FOXN3: variants seen among roughly 807,000 people sequenced by gnomAD.
FOXN3 encodes forkhead box protein N3.
FOXN3 carries 7 observed loss-of-function variants against 38.4 expected under a neutral mutation model. The observed-to-expected ratio is 0.18, with a 90% confidence interval of 0.10 to 0.34. FOXN3 has a LOEUF of 0.34. Among genes scored for constraint, FOXN3 ranks in the 10% least tolerant of loss-of-function variants. The pLI, the probability that FOXN3 is intolerant of heterozygous loss-of-function variation, is 1.00. For missense variants in FOXN3, 456 were observed against 613.4 expected (o/e 0.74, Z 2.71); for synonymous variants, 230 against 242.2 (o/e 0.95, Z 0.47).
chr14:89,477,644 C>T (rs1214303435), intron 1 of FOXN3, among the ~76,000 whole-genome samples: 3 of 152,190 alleles, frequency 2.0e-5, no homozygotes, highest in Admixed American at 6.5e-5. Flanking sequence ...GAATACACCA[C>T]GGCCAGCCAG....
intron 4 of FOXN3, among the ~76,000 whole-genome samples, chr14:89,257,277 G>A (rs1050226140): frequency 1.3e-5 from 2 of 152,222 alleles, no homozygotes; most frequent in Non-Finnish European, 2.9e-5. Context: ...ACAATAAGAT[G>A]CAGGGAATGG....
At chr14:89,242,058 A>G (rs1363557887) in intron 4 of FOXN3, among the ~76,000 whole-genome samples, 1 of 152,222 alleles carries the variant, frequency 6.6e-6, no homozygotes, top group Non-Finnish European at 1.5e-5. Context: ...ACTGAAAGAC[A>G]GCCAGGCCAC....
intron 3 of FOXN3, among the ~76,000 whole-genome samples, chr14:89,304,088 G>A (rs896628953): frequency 6.6e-6 from 1 of 152,176 alleles, no homozygotes; most frequent in Admixed American, 6.5e-5. Flanking sequence ...TAGCTTTGAT[G>A]CTGTCACATG....
chr14:89,575,224 C>T (rs1254511253), intron 1 of FOXN3, among the ~76,000 whole-genome samples: 2 of 152,214 alleles, frequency 1.3e-5, no homozygotes, highest in Non-Finnish European at 2.9e-5. Context: ...GCGACACTGA[C>T]TCTAGAAGAT....
At chr14:89,320,389 CCT>C (rs1887864067) in intron 3 of FOXN3, among the ~76,000 whole-genome samples, 1 of 152,324 alleles carries the variant, frequency 6.6e-6, no homozygotes, top group African/African-American at 2.4e-5. Context: ...CCAGGGTACC[CCT>C]GTTTCCCAAA....
intron 4 of FOXN3, among the ~76,000 whole-genome samples, chr14:89,245,044 A>C (rs565361168): frequency 1.9e-3 from 287 of 152,350 alleles, no homozygotes; most frequent in Non-Finnish European, 3.1e-3. Context: ...GAAGTGCTAC[A>C]GAAGGCACAG....
At position 89,184,305 on chromosome 14, in the gene FOXN3, G is replaced by C. The variant is rs17125435; in HGVS notation, c.746-3499C>G. Among the ~76,000 whole-genome samples the C allele has an allele frequency of 1.4e-3, 217 of 152,278 alleles. 4 individuals are homozygous for C. In the East Asian group the frequency reaches 0.031, roughly 22 times the overall value. On this transcript the variant is annotated intron_variant, in intron 4 of 5. Transcript: ENST00000557258. ...AAAGATGAGGGAAGCCCTGGAACAG[G>C]AGCAGAGCAAATCCAAGTTAGGGAG...
chr14:89,508,634 T>C (rs937753404), intron 1 of FOXN3, among the ~76,000 whole-genome samples: 2 of 152,152 alleles, frequency 1.3e-5, no homozygotes, highest in African/African-American at 4.8e-5. Flanking sequence ...GAAGTAGACA[T>C]GTTTTGAGCA....
At chr14:89,167,951 G>C (rs1887284348) in intron 5 of FOXN3, among the ~76,000 whole-genome samples, 1 of 152,212 alleles carries the variant, frequency 6.6e-6, no homozygotes, top group South Asian at 2.1e-4. Context: ...CCCTCTAAGG[G>C]CGTTCAAGTG....
intron 3 of FOXN3, among the ~76,000 whole-genome samples, chr14:89,308,701 T>G (rs1289000229): frequency 6.6e-6 from 1 of 152,064 alleles, no homozygotes; most frequent in African/African-American, 2.4e-5. Flanking sequence ...AGAAGCTGAG[T>G]CATTCAGAGT....
intron 4 of FOXN3, among the ~76,000 whole-genome samples, chr14:89,269,839 T>C (rs111709372): frequency 0.024 from 3,605 of 152,264 alleles, 67 homozygotes; most frequent in Middle Eastern, 0.048. Flanking sequence ...TTTTTCCCCA[T>C]TGCCAATCAC....
At chr14:89,393,221 A>G (rs1019288413) in intron 2 of FOXN3, among the ~76,000 whole-genome samples, 1 of 152,186 alleles carries the variant, frequency 6.6e-6, no homozygotes, top group African/African-American at 2.4e-5. Flanking sequence ...GATTACAGGC[A>G]TGAGCCACCC....
chr14:89,308,078 A>T (rs1405885030), intron 3 of FOXN3, among the ~76,000 whole-genome samples: 1 of 152,164 alleles, frequency 6.6e-6, no homozygotes, highest in Non-Finnish European at 1.5e-5. Context: ...CAGCCTGGGC[A>T]ACATGGTGAA....
intron 2 of FOXN3, among the ~76,000 whole-genome samples, chr14:89,358,251 T>G (rs1271906995): frequency 6.6e-6 from 1 of 152,354 alleles, no homozygotes; most frequent in South Asian, 2.1e-4. Context: ...CATAGTTCAC[T>G]GCCCACTGCC....
chr14:89,431,967 G>C (rs570382527), intron 1 of FOXN3, among the ~76,000 whole-genome samples: 104 of 152,222 alleles, frequency 6.8e-4, no homozygotes, highest in Non-Finnish European at 1.1e-3. Context: ...CGCCTGCCTC[G>C]GCCTCCCAAA....
chr14:89,433,870 T>C (rs1246963664), intron 1 of FOXN3, among the ~76,000 whole-genome samples: 1 of 149,398 alleles, frequency 6.7e-6, no homozygotes, highest in Admixed American at 6.7e-5. Flanking sequence ...CGTCTAAAAA[T>C]ACTGAAATAT....
intron 2 of FOXN3, among the ~76,000 whole-genome samples, chr14:89,372,713 C>T (rs1367032460): frequency 2.4e-5 from 3 of 123,074 alleles, no homozygotes; most frequent in African/African-American, 7.7e-5. Context: ...TGCGCTGTCT[C>T]ATGGGGTAAA....
At chr14:89,233,336 A>C (rs1360546887) in intron 4 of FOXN3, among the ~76,000 whole-genome samples, 1 of 152,176 alleles carries the variant, frequency 6.6e-6, no homozygotes, top group Non-Finnish European at 1.5e-5. Flanking sequence ...AAAAAGTGGT[A>C]ACTTGGTGGT....
intron 3 of FOXN3, among the ~76,000 whole-genome samples, chr14:89,347,703 C>T (rs964381589): frequency 6.6e-6 from 1 of 152,158 alleles, no homozygotes; most frequent in Non-Finnish European, 1.5e-5. Flanking sequence ...CCTGTAATCC[C>T]AGCACTTTGG....
Sources: allele counts gnomAD v4.1 joint callset (sites outside exome capture counted in the v4.1 genomes callset), GRCh38; gene constraint gnomAD v4.1.1; transcripts MANE v1.5; gene names NCBI Gene and HGNC (gene_info 2026-07-23, HGNC 2026-07-21).